The following CACNA1C variants were observed in gnomAD, a reference collection of about 807,000 sequenced individuals.
The protein encoded by CACNA1C is voltage-dependent L-type calcium channel subunit alpha-1C.
Under a neutral mutation model 229.0 loss-of-function variants are expected in CACNA1C, and 30 were observed. The observed-to-expected ratio is 0.13, with a 90% CI of 0.10 to 0.18. CACNA1C has a LOEUF of 0.18. Ranked by LOEUF, CACNA1C falls within the 10% of genes least tolerant of loss-of-function variation. CACNA1C has a pLI of 1.00. For missense variants in CACNA1C, 1,658 were observed against 2,845.0 expected, an observed-to-expected ratio of 0.58 and a Z score of 9.49; for synonymous variants, 1,114 against 1,132.5, an observed-to-expected ratio of 0.98 and a Z score of 0.33.
intron 1 of CACNA1C, among the ~76,000 whole-genome samples, chr12:2,073,943 C>G (rs1292939235): frequency 6.6e-6 from 1 of 152,176 alleles, no homozygotes; most frequent in East Asian, 1.9e-4. Context: ...ATTGCCTAAG[C>G]TCCTAGGGGA....
At chr12:2,365,275 AGT>A (rs1216723453) in intron 3 of CACNA1C, among the ~76,000 whole-genome samples, 1 of 152,206 alleles carries the variant, frequency 6.6e-6, no homozygotes, top group Non-Finnish European at 1.5e-5. Context: ...TTTAAACAAT[AGT>A]GTGTGTGCTT....
rs144915499 is a variant in CACNA1C, at chr12:2,597,040, G to T, written c.2794-190G>T. Among the ~76,000 whole-genome samples, 691 of 152,150 alleles carry T rather than the reference G, an allele frequency of 4.5e-3. No individual in the cohort carries two copies. Among genetic ancestry groups the T allele is most frequent in the South Asian group, 9.8e-3 (47 of 4,806 alleles). On this transcript the variant is annotated intron_variant, in intron 20 of 46. Coordinates refer to ENST00000399655, the MANE Select transcript of CACNA1C (RefSeq NM_000719.7). This position sits in a 1 kb window ranked among gnomAD's most constrained non-coding sequence, Gnocchi z 4.3. ...CGCTGTGCTGCCTGAGGCTAGCCCC[G>T]CCTCAGGATGTCTGTGTGTGTGCCG...
chr12:2,028,564 G>T lies in CACNA1C; in HGVS notation c.139+57363G>T, dbSNP rs765000546. ...ATCCAGGACAAGCATGGTCCTATCA[G>T]CACCAACGTTAGAACTAAAATAAAA... is the stretch of plus-strand genomic sequence containing the variant. On this transcript the variant is annotated intron_variant, in intron 1 of 46. Coordinates refer to the CACNA1C transcript ENST00000682462. Among the ~76,000 whole-genome samples, 4 of 152,194 alleles carry T rather than the reference G, an allele frequency of 2.6e-5. No homozygotes were observed. In the East Asian group the frequency reaches 7.7e-4, roughly 29 times the overall value.
intron 3 of CACNA1C, among the ~76,000 whole-genome samples, chr12:2,383,798 G>C (rs1037191246): frequency 6.6e-6 from 1 of 152,244 alleles, no homozygotes; most frequent in South Asian, 2.1e-4. Flanking sequence ...ACGCCCTGCA[G>C]AATGGGCCAG....
chr12:2,438,375 T>TGATGGTGGTGGTGGC (rs2099175657), intron 3 of CACNA1C, among the ~76,000 whole-genome samples: 2 of 145,716 alleles, frequency 1.4e-5, no homozygotes, highest in Non-Finnish European at 3.0e-5. Context: ...GTGGTGGTGG[T>TGATGGTGGTGGTGGC]GATGGTGGTC....
At chr12:2,090,532 G>A (rs558124457) in intron 1 of CACNA1C, among the ~76,000 whole-genome samples, 1 of 152,156 alleles carries the variant, frequency 6.6e-6, no homozygotes, top group East Asian at 1.9e-4. Flanking sequence ...TGGCCAGGCT[G>A]GTCTTGAACT....
At position 2,585,272 on chromosome 12, in the gene CACNA1C, C is replaced by A; in HGVS notation, c.2340-104C>A. 1 of 1,106,190 alleles carries A rather than the reference C, an allele frequency of 9.0e-7. No individual in the cohort carries two copies. The allele number at this position is 1,106,190 out of a possible 1,614,324, so 68.5% of individuals were successfully genotyped here. A position where few individuals can be genotyped will look rare whatever the true frequency, so the allele number is the denominator to read the frequency against. ...GAAGATGGACTCAGACCCAGGGGAT[C>A]TGTCCCCTCTGGCCCCAACAGGCCA... On this transcript the variant is annotated intron_variant, in intron 16 of 46. Coordinates refer to ENST00000399655, the MANE Select transcript of CACNA1C (RefSeq NM_000719.7). The surrounding 1 kb of genome is among the most constrained non-coding windows in gnomAD (Gnocchi z 4.1).
intron 3 of CACNA1C, among the ~76,000 whole-genome samples, chr12:2,127,520 C>T (rs1484703875): frequency 6.6e-6 from 1 of 152,160 alleles, no homozygotes; most frequent in Non-Finnish European, 1.5e-5. Context: ...ATAAAATACA[C>T]TAATAGATAA....
chr12:2,656,719 G>T (rs1168621917), intron 34 of CACNA1C, among the ~76,000 whole-genome samples: 1 of 152,176 alleles, frequency 6.6e-6, no homozygotes, highest in South Asian at 2.1e-4. Context: ...CATGGTACTG[G>T]CATAAAAACG....
Position 2,338,140 on chromosome 12 carries a change from G to A in CACNA1C, c.478-110836G>A, listed in dbSNP as rs185715782. Among the ~76,000 whole-genome samples the A allele has an allele frequency of 8.0e-3, 1,217 of 152,158 alleles. 13 individuals are homozygous for A. The highest frequency in any genetic ancestry group is 0.027 in the African/African-American group (1,125 of 41,478). On this transcript the variant is annotated intron_variant, in intron 3 of 46. Coordinates refer to ENST00000399655, the MANE Select transcript of CACNA1C (RefSeq NM_000719.7). ...GCAGGACTTGGCAGGAGCATGCCACGCCAACTTTAGACCCCAGTGCTGGCT... is the reference window on the plus strand; with the variant it reads ...GCAGGACTTGGCAGGAGCATGCCACACCAACTTTAGACCCCAGTGCTGGCT...
intron 1 of CACNA1C, among the ~76,000 whole-genome samples, chr12:2,070,434 A>G (rs2154523202): frequency 6.6e-6 from 1 of 152,262 alleles, no homozygotes; most frequent in Non-Finnish European, 1.5e-5. Flanking sequence ...ACTGAAGCAT[A>G]TATTTTTTAG....
intron 3 of CACNA1C, among the ~76,000 whole-genome samples, chr12:2,313,678 A>G (rs1160765840): frequency 1.3e-5 from 2 of 152,126 alleles, no homozygotes; most frequent in Non-Finnish European, 2.9e-5. Context: ...TAATGTGGAC[A>G]CATGCTGGTT....
chr12:2,110,045 G>T (rs931655443), intron 1 of CACNA1C, among the ~76,000 whole-genome samples: 2 of 152,034 alleles, frequency 1.3e-5, no homozygotes, highest in African/African-American at 2.4e-5. Context: ...AATAGAGATG[G>T]ATTAAAGAAA....
rs545126381 is a variant in CACNA1C at position 2,192,617 on chromosome 12, C to G, written c.477+72187C>G. Reference sequence around the variant, plus strand: ...TTAATTTCATTAAAGTTAATTTTCCCTTATGTGAAATGTGAATGCTGCCAT... The same window carrying G: ...TTAATTTCATTAAAGTTAATTTTCCGTTATGTGAAATGTGAATGCTGCCAT... On this transcript the variant is annotated intron_variant, in intron 3 of 46. Transcript: ENST00000399655. Among the ~76,000 whole-genome samples the G allele has an allele frequency of 2.6e-5, 4 of 152,284 alleles. No homozygotes were observed. The East Asian group carries it at 7.7e-4, about 29-fold the overall frequency.
intron 7 of CACNA1C, among the ~76,000 whole-genome samples, chr12:2,500,223 C>T (rs531582515): frequency 4.6e-5 from 7 of 152,294 alleles, no homozygotes; most frequent in Non-Finnish European, 7.4e-5. Flanking sequence ...TGTGGGACGG[C>T]GAGGGGGACC....
At chr12:2,587,439 A>G (rs1277796178) in intron 18 of CACNA1C, among the ~76,000 whole-genome samples, 1 of 152,238 alleles carries the variant, frequency 6.6e-6, no homozygotes, top group Non-Finnish European at 1.5e-5. Context: ...AACAGGGCAG[A>G]TCTAGCATGA....
At chr12:2,593,566 ATTC>A (rs1233044508) in intron 19 of CACNA1C, among the ~76,000 whole-genome samples, 3 of 152,194 alleles carry the variant, frequency 2.0e-5, no homozygotes, top group African/African-American at 7.2e-5. Flanking sequence ...CTCTATTTCT[ATTC>A]TTTGGGTGAT....
chr12:2,126,295 T>TAAAA (rs1399675362), intron 3 of CACNA1C, among the ~76,000 whole-genome samples: 6 of 152,202 alleles, frequency 3.9e-5, no homozygotes, highest in Non-Finnish European at 7.3e-5. Flanking sequence ...TTTCTTTAGA[T>TAAAA]TTAGTGCTGT....
rs1056171531 is a variant in CACNA1C at position 2,352,214 on chromosome 12, C to T, written c.478-96762C>T. ...GCACTGTGGGCCTTGGCAGAGGCAC[C>T]GACTTGAAGACATTACTTTCTTCTC... is the stretch of plus-strand genomic sequence containing the variant. On this transcript the variant is annotated intron_variant, in intron 3 of 46. Coordinates refer to ENST00000399655, the MANE Select transcript of CACNA1C (RefSeq NM_000719.7). Among the ~76,000 whole-genome samples, 8 of 152,206 alleles carry T rather than the reference C, an allele frequency of 5.3e-5. 1 individual carries two copies. Among genetic ancestry groups the T allele is most frequent in the East Asian group, 1.9e-4 (1 of 5,186 alleles).
Sources: gnomAD v4.1 joint callset for allele counts (sites outside exome capture counted in the v4.1 genomes callset) on GRCh38, gnomAD v4.1.1 for gene constraint, Gnocchi (gnomAD v3.1) non-coding constraint, MANE v1.5 for transcripts, NCBI Gene and HGNC (gene_info 2026-07-23, HGNC 2026-07-21) for gene names.